The following ITGA9 variants were observed in gnomAD, a reference collection of about 807,000 sequenced individuals.
ITGA9 encodes integrin subunit alpha 9.
ITGA9 carries 56 observed loss-of-function variants against 127.8 expected under a neutral mutation model. That is an observed-to-expected ratio of 0.44 (90% CI 0.35 to 0.55). The LOEUF is 0.55. Among genes scored for constraint, ITGA9 ranks in the 20% least tolerant of loss-of-function variants. The pLI is 0.00. For missense variants in ITGA9, 1,196 were observed against 1,347.1 expected (o/e 0.89, Z 1.76); for synonymous variants, 508 against 514.5 (o/e 0.99, Z 0.17).
intron 18 of ITGA9, among the ~76,000 whole-genome samples, chr3:37,716,125 G>T (rs995971214): frequency 4.1e-4 from 63 of 152,308 alleles, no homozygotes; most frequent in African/African-American, 1.5e-3. Context: ...CCCCCAAGGG[G>T]ATGTGAATTC....
At chr3:37,717,752 C>T (rs1215484827) in intron 18 of ITGA9, among the ~76,000 whole-genome samples, 1 of 152,182 alleles carries the variant, frequency 6.6e-6, no homozygotes, top group Non-Finnish European at 1.5e-5. Context: ...AAATCCAGAC[C>T]ATATCAGTGT....
intron 17 of ITGA9, among the ~76,000 whole-genome samples, chr3:37,661,835 C>T (rs2125651745): frequency 6.6e-6 from 1 of 152,276 alleles, no homozygotes; most frequent in African/African-American, 2.4e-5. Flanking sequence ...TACTCCAGGG[C>T]TCTGGAGCAG....
intron 14 of ITGA9, among the ~76,000 whole-genome samples, chr3:37,536,019 C>T (rs945407219): frequency 1.3e-5 from 2 of 152,000 alleles, no homozygotes; most frequent in African/African-American, 4.8e-5. Flanking sequence ...CTGTGGGGGC[C>T]CAGCTCTGGG....
At chr3:37,523,251 T>G (rs1282285367) in intron 11 of ITGA9, among the ~76,000 whole-genome samples, 1 of 152,220 alleles carries the variant, frequency 6.6e-6, no homozygotes, top group Non-Finnish European at 1.5e-5. Context: ...CAAAACATTA[T>G]CATGGTAGTC....
At chr3:37,702,064 G>T (rs560214118) in intron 18 of ITGA9, among the ~76,000 whole-genome samples, 12 of 152,290 alleles carry the variant, frequency 7.9e-5, no homozygotes, top group Admixed American at 7.2e-4. Context: ...ATTTAGCATT[G>T]GAGGAGCCTG....
At chr3:37,477,056 C>T (rs1698501899) in intron 3 of ITGA9, among the ~76,000 whole-genome samples, 2 of 152,192 alleles carry the variant, frequency 1.3e-5, no homozygotes, top group African/African-American at 4.8e-5. Context: ...AAACAAGATA[C>T]AGTGAGTGTC....
intron 13 of ITGA9, among the ~76,000 whole-genome samples, chr3:37,529,032 C>G (rs1226161939): frequency 6.6e-6 from 1 of 152,184 alleles, no homozygotes; most frequent in Non-Finnish European, 1.5e-5. Flanking sequence ...TTTCTGGCCT[C>G]TTTTAATCAG....
intron 17 of ITGA9, among the ~76,000 whole-genome samples, chr3:37,664,507 AC>A (rs1220840055): frequency 3.0e-5 from 4 of 131,630 alleles, no homozygotes; most frequent in African/African-American, 8.8e-5. Context: ...CATAACCTCC[AC>A]CTCCCGGGCT....
rs1697246596 is a variant in ITGA9 at position 37,802,427 on chromosome 3, A to T, written c.2890-1396A>T. Among the ~76,000 whole-genome samples, 5 of 152,314 alleles carry T rather than the reference A, an allele frequency of 3.3e-5. 1 individual carries two copies. In the South Asian group the frequency reaches 1.0e-3, roughly 32 times the overall value. ...CTTGACAGAGGATTGAACTAGGTTT[A>T]GAAAAGACTTTCCCAAAGGGGAATG... On this transcript the variant is annotated intron_variant, in intron 26 of 27. Transcript: ENST00000264741.
chr3:37,666,543 G>A (rs1021659090), intron 17 of ITGA9, among the ~76,000 whole-genome samples: 6 of 152,144 alleles, frequency 3.9e-5, no homozygotes, highest in African/African-American at 1.4e-4. Context: ...TTTGTGGTTC[G>A]CTGGCGTTCC....
rs1029551537 is a variant in ITGA9 at position 37,581,062 on chromosome 3, G to A, written c.1689+38477G>A. On this transcript the variant is annotated intron_variant, in intron 15 of 27. Transcript: ENST00000264741. ...AGAGCAGAGTGTGCTGGGCTACATA[G>A]GCTAAACTAAGAAGTTTGGATTTTA... is the stretch of plus-strand genomic sequence containing the variant. 3.3e-5 allele frequency among the ~76,000 whole-genome samples: 5 copies of A among 152,286 alleles called. No individual in the cohort carries two copies. In the East Asian group the frequency reaches 9.6e-4, roughly 29 times the overall value.
intron 15 of ITGA9, among the ~76,000 whole-genome samples, chr3:37,586,896 C>T (rs1699764802): frequency 6.6e-6 from 1 of 152,208 alleles, no homozygotes. Context: ...TCCTTTCCAT[C>T]CCAAATCCAC....
intron 14 of ITGA9, among the ~76,000 whole-genome samples, chr3:37,541,265 T>G (rs1236546479): frequency 2.0e-5 from 3 of 152,210 alleles, no homozygotes; most frequent in African/African-American, 7.2e-5. Context: ...CTGCCTTCTG[T>G]TGCTTAGCCA....
intron 18 of ITGA9, among the ~76,000 whole-genome samples, chr3:37,707,842 G>A (rs35216743): frequency 0.12 from 18,037 of 152,218 alleles, 1,421 homozygotes; most frequent in East Asian, 0.29. Context: ...AAAGTGGTGT[G>A]TGGACAGGCA....
intron 17 of ITGA9, among the ~76,000 whole-genome samples, chr3:37,660,987 A>G (rs979281169): frequency 1.3e-5 from 2 of 152,252 alleles, no homozygotes; most frequent in African/African-American, 4.8e-5. Flanking sequence ...GAACTGGTGC[A>G]CTTTTCCTCC....
At chr3:37,559,939 T>C (rs991386081) in intron 15 of ITGA9, among the ~76,000 whole-genome samples, 3 of 152,332 alleles carry the variant, frequency 2.0e-5, no homozygotes, top group African/African-American at 7.2e-5. Context: ...GTCACATCTG[T>C]AATTGTAAAT....
intron 15 of ITGA9, among the ~76,000 whole-genome samples, chr3:37,551,106 C>T (rs1202105752): frequency 6.6e-6 from 1 of 152,124 alleles, no homozygotes; most frequent in Non-Finnish European, 1.5e-5. Context: ...TCAGTTAAAC[C>T]ACCAGACGAC....
intron 15 of ITGA9, among the ~76,000 whole-genome samples, chr3:37,621,944 C>A (rs2154762): frequency 0.21 from 31,209 of 151,914 alleles, 3,420 homozygotes; most frequent in African/African-American, 0.27. Flanking sequence ...TTGAATTCAC[C>A]TGGTTTTTGG....
chr3:37,601,237 A>G (rs990809711), intron 15 of ITGA9, among the ~76,000 whole-genome samples: 9 of 152,064 alleles, frequency 5.9e-5, no homozygotes, highest in Non-Finnish European at 1.0e-4. Flanking sequence ...GGAGACTCCT[A>G]TTTCTCCCTC....
Sources: allele counts gnomAD v4.1 joint callset (sites outside exome capture counted in the v4.1 genomes callset), GRCh38; gene constraint gnomAD v4.1.1; transcripts MANE v1.5; gene names NCBI Gene and HGNC (gene_info 2026-07-23, HGNC 2026-07-21).